Variants in ATM observed in about 807,000 individuals in gnomAD.
ATM encodes the protein ATM serine/threonine kinase.
ATM carries 308 observed loss-of-function variants against 387.0 expected under a neutral mutation model. The ratio of observed to expected loss-of-function variants is 0.80; its 90% CI spans 0.73 to 0.87. The LOEUF (loss-of-function observed/expected upper bound fraction) is 0.87, where lower values mean the gene tolerates loss of function less well. Among genes scored for constraint, ATM ranks in the 40% least tolerant of loss-of-function variants. ATM has a pLI of 0.00. For missense variants in ATM, 3,312 were observed against 3,560.9 expected (o/e 0.93, Z 1.78); for synonymous variants, 1,156 against 1,187.3 (o/e 0.97, Z 0.54).
At chr11:108,250,442 T>G (rs143508429) in intron 9 of ATM, among the ~76,000 whole-genome samples, 2 of 152,098 alleles carry the variant, frequency 1.3e-5, no homozygotes, top group African/African-American at 4.8e-5. Flanking sequence ...GCCCAAATAT[T>G]GCTAATTTAA....
chr11:108,345,403 A>G (rs971990848), intron 57 of ATM, among the ~76,000 whole-genome samples: 3 of 152,188 alleles, frequency 2.0e-5, no homozygotes, highest in South Asian at 2.1e-4. Flanking sequence ...TTCTATTGCA[A>G]CCCAATGCTG....
chr11:108,287,576 T>C, intron 26 of ATM, 24 bp from the exon 27 acceptor site: 1 of 1,430,370 alleles, frequency 7.0e-7, no homozygotes, highest in Non-Finnish European at 9.8e-7. Flanking sequence ...ATATTAAATA[T>C]ATTTTAATTT....
intron 47 of ATM, 31 bp from the exon 48 acceptor site, chr11:108,327,614 T>A (rs774791583): frequency 2.6e-5 from 41 of 1,554,158 alleles, no homozygotes; most frequent in Non-Finnish European, 1.8e-6. Flanking sequence ...GGTAATGCAT[T>A]ATATTTTAAG....
At position 108,282,776 on chromosome 11, in the gene ATM, G is replaced by A. The variant is rs1366216756; in HGVS notation, c.3643G>A (p.Asp1215Asn). Residue 1215 changes from aspartate to asparagine, a missense_variant, in exon 25 of 63, where the codon GAT (aspartate) becomes AAT (asparagine). Asp to Asn is a conservative substitution (Grantham distance 23, BLOSUM62 1). This residue lies in a region of ATM where 1,791 missense variants were observed against 1,804.5 expected (regional missense o/e 0.99). Coordinates refer to ENST00000675843, the MANE Select transcript of ATM (RefSeq NM_000051.4). ...AGAAGACTTTATGGCATCTCATTTAGATTATCTGGTTTTGGAATGGCTAAA... is the reference window on the plus strand; with the variant it reads ...AGAAGACTTTATGGCATCTCATTTAAATTATCTGGTTTTGGAATGGCTAAA... The part of the protein sequence containing the change: ...RLEDFMASHL[D>N]YLVLEWLNLQ... 6.2e-7 allele frequency: 1 copy of A among 1,609,928 alleles called. No homozygotes were observed.
intron 4 of ATM, chr11:108,229,737 T>C (rs905841971): frequency 5.4e-6 from 1 of 184,240 alleles, no homozygotes; most frequent in Non-Finnish European, 1.1e-5. Flanking sequence ...TGGAGTGCAA[T>C]GGTGTGATGA....
At chr11:108,315,484 T>C (rs1209564503) in intron 40 of ATM, among the ~76,000 whole-genome samples, 1 of 152,170 alleles carries the variant, frequency 6.6e-6, no homozygotes, top group Non-Finnish European at 1.5e-5. Context: ...AGACTAGTTG[T>C]ACATTTATTT....
chr11:108,284,311 G>C lies in ATM; in HGVS notation c.3831G>C (p.Glu1277Asp), dbSNP rs587781787. 1.4e-5 allele frequency: 22 copies of C among 1,613,726 alleles called. No individual in the cohort carries two copies. The highest frequency in any genetic ancestry group is 1.9e-5 in the Non-Finnish European group (22 of 1,179,872). The part of the protein sequence containing the change: ...EVKSIANQIQ[E>D]DWKSLLTDCF... ...AGTCCATTGCTAATCAGATTCAAGA[G>C]GACTGGAAAAGTCTTCTAACAGACT... is the stretch of plus-strand genomic sequence containing the variant. Residue 1277 changes from glutamate to aspartate, a missense_variant, in exon 26 of 63, where the codon GAG becomes GAC. By Grantham distance (45) the Glu-to-Asp change is conservative (BLOSUM62 2). Transcript: ENST00000675843.
Position 108,354,882 on chromosome 11 carries a change from A to AT in ATM, c.8850+12dup, listed in dbSNP as rs1555143639. The stretch of plus-strand genomic sequence containing the variant: ...CTGTTAACCATTGTAGAGGTAAAGT[A>AT]TTTTATAAGGAAGACTTTATTTTTT... On this transcript the variant is annotated intron_variant, in intron 61 of 62. Coordinates refer to ENST00000675843, the MANE Select transcript of ATM (RefSeq NM_000051.4). The AT allele has an allele frequency of 6.2e-7, 1 of 1,606,676 alleles. No homozygotes were observed.
rs562264493 is a variant in ATM, at chr11:108,331,530, C to T, written c.7602C>T (p.Gly2534=). 1.9e-5 allele frequency: 30 copies of T among 1,612,086 alleles called. No individual in the cohort carries two copies. In the South Asian group the frequency reaches 2.8e-4, roughly 15 times the overall value. The change falls in exon 51 of 63, where the codon GGC becomes GGT. Residue 2534 remains glycine (G), a synonymous_variant. Coordinates refer to ENST00000675843, the MANE Select transcript of ATM (RefSeq NM_000051.4). ...AARMGTKMMG[G]LGFHEVLNNL... is the part of the protein sequence containing the mutation. The stretch of plus-strand genomic sequence containing the variant: ...GAATGGGGACCAAGATGATGGGAGG[C>T]CTAGGATTTCATGAAGTCCTCAATA...
At chr11:108,231,860 C>T (rs902976630) in intron 4 of ATM, among the ~76,000 whole-genome samples, 2 of 152,098 alleles carry the variant, frequency 1.3e-5, no homozygotes, top group Non-Finnish European at 2.9e-5. Context: ...GATGCGAGTT[C>T]GTGTGGATAG....
At chr11:108,281,844 T>A (rs1443842621) in intron 24 of ATM, among the ~76,000 whole-genome samples, 2 of 152,226 alleles carry the variant, frequency 1.3e-5, no homozygotes, top group Non-Finnish European at 2.9e-5. Flanking sequence ...CCTCTCAGTA[T>A]AAGACTTGTT....
rs377597949 is a variant in ATM, at chr11:108,250,929, G to A, written c.1464G>A (p.Trp488Ter). The change falls in exon 10 of 63, where the codon TGG (tryptophan) becomes TGA (stop). Residue 488 changes from tryptophan to a stop codon, truncating the protein, a stop_gained. Transcript: ENST00000675843. LOFTEE classifies it high-confidence loss of function. ...TATTAAAACTCTGGAATAAAATTTG[G>A]TGTATTACCTTTCGTGGTATAAGTT... ...SDLLKLWNKI[W>*]CITFRGISSE... 1 of 1,614,032 alleles carries A rather than the reference G, an allele frequency of 6.2e-7. No homozygotes were observed. Among genetic ancestry groups the A allele is most frequent in the African/African-American group, 1.3e-5 (1 of 74,938 alleles).
At position 108,253,756 on chromosome 11, in the gene ATM, A is replaced by G. The variant is rs905882009; in HGVS notation, c.1899-58A>G. Reference sequence around the variant, plus strand: ...TTCCTTTGTAATATATTGCTAATACATATAAGGCAAAGCATTAGGTACTTG... The same window carrying G: ...TTCCTTTGTAATATATTGCTAATACGTATAAGGCAAAGCATTAGGTACTTG... On this transcript the variant is annotated intron_variant, in intron 12 of 62. Coordinates refer to ENST00000675843, the MANE Select transcript of ATM (RefSeq NM_000051.4). The G allele has an allele frequency of 2.2e-5, 29 of 1,297,740 alleles. No homozygotes were observed. In the African/African-American group the frequency reaches 3.5e-4, roughly 16 times the overall value. 80.4% of individuals were successfully genotyped at this position (1,297,740 alleles called of 1,614,324 possible).
At position 108,245,001 on chromosome 11, in the gene ATM, G is replaced by A. The variant is rs755860432; in HGVS notation, c.876G>A (p.Pro292=). 2.0e-5 allele frequency: 33 copies of A among 1,610,766 alleles called. No homozygotes were observed. The highest frequency in any genetic ancestry group is 8.3e-5 in the Admixed American group (5 of 59,950). The change falls in exon 7 of 63, where the codon CCG becomes CCA. Residue 292 remains proline (P), a synonymous_variant. Coordinates refer to ENST00000675843, the MANE Select transcript of ATM (RefSeq NM_000051.4). ...LFQLQIYIHH[P]KGAKTQEKGA... The stretch of plus-strand genomic sequence containing the variant: ...AACTGCAAATTTATATCCATCATCC[G>A]AAAGGAGCCAAAACCCAAGAAAAAG...
At chr11:108,336,304 G>T in intron 56 of ATM, 1 of 198,580 alleles carries the variant, frequency 5.0e-6, no homozygotes, top group Non-Finnish European at 1.0e-5. Flanking sequence ...GCAAGATCCC[G>T]TTTAAAAAAG....
At chr11:108,343,066 G>A (rs951513679) in intron 56 of ATM, among the ~76,000 whole-genome samples, 156 bp from the exon 57 acceptor site, 1 of 152,090 alleles carries the variant, frequency 6.6e-6, no homozygotes, top group Non-Finnish European at 1.5e-5. Context: ...GTTTATTTCC[G>A]ATTGGTTTCC....
intron 18 of ATM, among the ~76,000 whole-genome samples, chr11:108,269,853 G>T (rs2081477050): frequency 6.6e-6 from 1 of 152,194 alleles, no homozygotes; most frequent in Non-Finnish European, 1.5e-5. Context: ...GTTTGGTTGT[G>T]CCCTGTTTGG....
chr11:108,331,162 T>C, intron 50 of ATM: 1 of 1,121,202 alleles, frequency 8.9e-7, no homozygotes, highest in Non-Finnish European at 1.1e-6. Flanking sequence ...CACATTTGTC[T>C]TCCTTAGATT....
At chr11:108,348,296 A>C (rs910462966) in intron 59 of ATM, among the ~76,000 whole-genome samples, 2 of 151,418 alleles carry the variant, frequency 1.3e-5, no homozygotes, top group Non-Finnish European at 2.9e-5. Flanking sequence ...TTTGTAAATA[A>C]TAAGAAAGTG....
Sources: gnomAD v4.1 joint callset for allele counts (sites outside exome capture counted in the v4.1 genomes callset) on GRCh38, gnomAD v4.1.1 for gene constraint, gnomAD v4.1.1 regional missense constraint, MANE v1.5 for transcripts, NCBI Gene and HGNC (gene_info 2026-07-23, HGNC 2026-07-21) for gene names.